The following PRKN variants were observed in gnomAD, a reference collection of about 807,000 sequenced individuals.
The protein encoded by PRKN is parkin RBR E3 ubiquitin protein ligase.
Under a neutral mutation model 59.5 loss-of-function variants are expected in PRKN, and 56 were observed. The ratio of observed to expected loss-of-function variants is 0.94; its 90% CI spans 0.76 to 1.18. The LOEUF (loss-of-function observed/expected upper bound fraction) is 1.18. Ranked by LOEUF, PRKN falls within the 50% of genes most tolerant of loss-of-function variation. The probability of loss-of-function intolerance (pLI) is 0.00; values close to 1 mark genes in which losing one functional copy is unlikely to be tolerated. For missense variants in PRKN, 657 were observed against 596.4 expected, an observed-to-expected ratio of 1.10 and a Z score of -1.06; for synonymous variants, 250 against 222.1, an observed-to-expected ratio of 1.13 and a Z score of -1.12.
At chr6:161,848,862 A>G (rs760621554) in intron 6 of PRKN, among the ~76,000 whole-genome samples, 2 of 152,168 alleles carry the variant, frequency 1.3e-5, no homozygotes, top group African/African-American at 2.4e-5. Context: ...AAAGCATTGC[A>G]TTTTTGCATT....
At chr6:162,331,595 C>T (rs1298364524) in intron 2 of PRKN, among the ~76,000 whole-genome samples, 1 of 152,190 alleles carries the variant, frequency 6.6e-6, no homozygotes, top group East Asian at 1.9e-4. Context: ...GCTTGGTGGA[C>T]ACCACCTAAA....
At chr6:162,650,670 T>C (rs893909363) in intron 1 of PRKN, among the ~76,000 whole-genome samples, 1 of 151,682 alleles carries the variant, frequency 6.6e-6, no homozygotes, top group South Asian at 2.1e-4. Flanking sequence ...GTCTACAAAG[T>C]ATACAGATAT....
chr6:162,690,165 A>G (rs1304329112), intron 1 of PRKN, among the ~76,000 whole-genome samples: 1 of 146,632 alleles, frequency 6.8e-6, no homozygotes, highest in Admixed American at 6.9e-5. Flanking sequence ...GAATATCAGT[A>G]ACGAGTAACC....
intron 3 of PRKN, among the ~76,000 whole-genome samples, chr6:162,204,894 G>A (rs113665100): frequency 1.3e-5 from 2 of 149,056 alleles, no homozygotes; most frequent in Non-Finnish European, 3.0e-5. Flanking sequence ...ATGGAGTCTC[G>A]CTGTGTTGCC....
At chr6:161,571,289 G>T (rs540871766) in intron 7 of PRKN, among the ~76,000 whole-genome samples, 1 of 152,270 alleles carries the variant, frequency 6.6e-6, no homozygotes, top group African/African-American at 2.4e-5. Context: ...ATAAAAACCT[G>T]TTTCTTTGAG....
intron 6 of PRKN, among the ~76,000 whole-genome samples, chr6:161,788,688 T>G (rs568499891): frequency 4.1e-5 from 6 of 146,396 alleles, no homozygotes; most frequent in Non-Finnish European, 7.4e-5. Context: ...CTCATGTAAC[T>G]CCCTTGAAGA....
intron 7 of PRKN, among the ~76,000 whole-genome samples, chr6:161,690,458 A>T (rs1471082176): frequency 6.6e-6 from 1 of 152,238 alleles, no homozygotes; most frequent in African/African-American, 2.4e-5. Flanking sequence ...GCTTGGACTT[A>T]AAGAGCCTTC....
chr6:161,409,240 G>A lies in PRKN; in HGVS notation c.1084-22363C>T, dbSNP rs140259093. Reference sequence around the variant, plus strand: ...ATTACAGGTGTGAGCCACCACCCCCGGCCAGGAGAACACATTTTTAAACTC... The same window carrying A: ...ATTACAGGTGTGAGCCACCACCCCCAGCCAGGAGAACACATTTTTAAACTC... On this transcript the variant is annotated intron_variant, in intron 9 of 11. Transcript: ENST00000366898. This position sits in a 1 kb window ranked among gnomAD's most constrained non-coding sequence, Gnocchi z 4.6. Among the ~76,000 whole-genome samples the A allele has an allele frequency of 7.0e-3, 1,061 of 152,178 alleles. 16 individuals carry two copies. Among genetic ancestry groups the A allele is most frequent in the African/African-American group, 0.023 (971 of 41,490 alleles).
At chr6:161,501,758 T>G (rs370175622) in intron 9 of PRKN, among the ~76,000 whole-genome samples, 10 of 152,326 alleles carry the variant, frequency 6.6e-5, no homozygotes, top group African/African-American at 2.4e-4. Flanking sequence ...ATTGTGAATT[T>G]GTACAAGGCT....
chr6:162,312,714 C>A (rs762583303), intron 2 of PRKN, among the ~76,000 whole-genome samples: 36 of 152,162 alleles, frequency 2.4e-4, no homozygotes, highest in Non-Finnish European at 4.9e-4. Flanking sequence ...GGTCATAAAG[C>A]CTTTGTGGAT....
At chr6:161,418,909 G>A (rs952401305) in intron 9 of PRKN, among the ~76,000 whole-genome samples, 3 of 152,188 alleles carry the variant, frequency 2.0e-5, no homozygotes, top group African/African-American at 7.2e-5. Flanking sequence ...TTCACATACA[G>A]GCGGTGGAGT....
chr6:161,933,558 T>C (rs1779245386), intron 6 of PRKN, among the ~76,000 whole-genome samples: 1 of 152,226 alleles, frequency 6.6e-6, no homozygotes, highest in Non-Finnish European at 1.5e-5. Flanking sequence ...GAAAATAACT[T>C]TGGTGTCACA....
In PRKN at chr6:161,447,317, A is replaced by T. The variant is rs2115109296; in HGVS notation, c.1084-60440T>A. On this transcript the variant is annotated intron_variant, in intron 9 of 11. Transcript: ENST00000366898. The surrounding 1 kb of genome is among the most constrained non-coding windows in gnomAD (Gnocchi z 4.1). ...CGGCTAAACCCTAAAATTCACTTCG[A>T]AACTCCTAACAGCAGAATTCCCCAA... is the stretch of plus-strand genomic sequence containing the variant. Among the ~76,000 whole-genome samples, 1 of 152,304 alleles carries T rather than the reference A, an allele frequency of 6.6e-6. No homozygotes were observed. Among genetic ancestry groups the T allele is most frequent in the South Asian group, 2.1e-4 (1 of 4,832 alleles).
At chr6:162,098,081 T>G (rs1407586067) in intron 4 of PRKN, among the ~76,000 whole-genome samples, 1 of 152,226 alleles carries the variant, frequency 6.6e-6, no homozygotes, top group East Asian at 1.9e-4. Context: ...AGTGCTTAAC[T>G]CTTGTCAGAT....
At chr6:161,800,920 G>T (rs1255940402) in intron 6 of PRKN, among the ~76,000 whole-genome samples, 1 of 152,168 alleles carries the variant, frequency 6.6e-6, no homozygotes, top group South Asian at 2.1e-4. Flanking sequence ...TCTGCAGAAT[G>T]ATTCTGGAGG....
intron 2 of PRKN, among the ~76,000 whole-genome samples, chr6:162,294,681 T>C (rs1020308509): frequency 3.3e-5 from 5 of 152,122 alleles, no homozygotes; most frequent in African/African-American, 9.7e-5. Flanking sequence ...AGCATCATTA[T>C]TGTATTAAGT....
intron 7 of PRKN, among the ~76,000 whole-genome samples, chr6:161,571,666 A>C (rs1035721790): frequency 6.6e-6 from 1 of 152,196 alleles, no homozygotes; most frequent in African/African-American, 2.4e-5. Context: ...TTTACTGGGT[A>C]TGATGATGAA....
rs139295506 is a variant in PRKN, at chr6:161,739,795, T to C, written c.871+45977A>G. The stretch of plus-strand genomic sequence containing the variant: ...TTTGAGACGGAGTCTTGCTCTGTCC[T>C]GCAGGCTGGAGTGCAGTGGCACGAT... On this transcript the variant is annotated intron_variant, in intron 7 of 11. Coordinates refer to ENST00000366898, the MANE Select transcript of PRKN (RefSeq NM_004562.3). Among the ~76,000 whole-genome samples, 1,350 of 152,182 alleles carry C rather than the reference T, an allele frequency of 8.9e-3. 16 individuals are homozygous for C. The highest frequency in any genetic ancestry group is 0.031 in the African/African-American group (1,290 of 41,524).
intron 4 of PRKN, among the ~76,000 whole-genome samples, chr6:162,100,445 C>T (rs555946244): frequency 6.6e-6 from 1 of 150,752 alleles, no homozygotes; most frequent in East Asian, 1.9e-4. Flanking sequence ...TATCTCTTGT[C>T]TTTCTTGTCT....
Sources: gnomAD v4.1 joint callset for allele counts (sites outside exome capture counted in the v4.1 genomes callset) on GRCh38, gnomAD v4.1.1 for gene constraint, Gnocchi (gnomAD v3.1) non-coding constraint, MANE v1.5 for transcripts, NCBI Gene and HGNC (gene_info 2026-07-23, HGNC 2026-07-21) for gene names.